DLG2: variants seen among roughly 807,000 people sequenced by gnomAD.
The protein encoded by DLG2 is disks large homolog 2.
Under a neutral mutation model 132.5 loss-of-function variants are expected in DLG2, and 45 were observed. The observed-to-expected ratio is 0.34, with a 90% CI of 0.27 to 0.44. The LOEUF is 0.44. Among genes scored for constraint, DLG2 ranks in the 20% least tolerant of loss-of-function variants. The pLI, the probability that DLG2 is intolerant of heterozygous loss-of-function variation, is 1.00. For synonymous variants in DLG2, 424 were observed against 419.6 expected (o/e 1.01, Z -0.13); for missense variants, 1,045 against 1,196.9 (o/e 0.87, Z 1.87).
chr11:84,871,751 T>C (rs140005618), intron 6 of DLG2, among the ~76,000 whole-genome samples: 2,159 of 151,836 alleles, frequency 0.014, 28 homozygotes, highest in Non-Finnish European at 0.023. Context: ...TGAGACAGAG[T>C]CTCCTCTATC....
chr11:84,170,472 G>A (rs1445402955), intron 8 of DLG2, among the ~76,000 whole-genome samples: 2 of 152,156 alleles, frequency 1.3e-5, no homozygotes, highest in African/African-American at 4.8e-5. Context: ...CAAAGCGATA[G>A]GAGTGCTATG....
At chr11:84,703,889 T>C (rs201804990) in intron 6 of DLG2, among the ~76,000 whole-genome samples, 1 of 66,126 alleles carries the variant, frequency 1.5e-5, no homozygotes, top group African/African-American at 1.3e-4. Flanking sequence ...TATATACACG[T>C]GTGTGTGTGT....
chr11:85,085,171 G>A (rs1462735277), intron 6 of DLG2, among the ~76,000 whole-genome samples: 1 of 152,090 alleles, frequency 6.6e-6, no homozygotes, highest in Admixed American at 6.5e-5. Context: ...TGAGAAATAT[G>A]AGGTAGCATT....
At chr11:84,789,911 G>C (rs1243634441) in intron 6 of DLG2, among the ~76,000 whole-genome samples, 1 of 152,028 alleles carries the variant, frequency 6.6e-6, no homozygotes, top group African/African-American at 2.4e-5. Flanking sequence ...TGAAGTGTCA[G>C]GATCTCATTC....
At chr11:85,397,803 T>C (rs1318640347) in intron 3 of DLG2, among the ~76,000 whole-genome samples, 3 of 151,502 alleles carry the variant, frequency 2.0e-5, no homozygotes, top group Non-Finnish European at 4.4e-5. Context: ...CTACAAAGAG[T>C]CTTAGACTCC....
intron 3 of DLG2, among the ~76,000 whole-genome samples, chr11:85,566,807 T>C (rs962204007): frequency 2.6e-5 from 4 of 152,304 alleles, no homozygotes; most frequent in African/African-American, 7.2e-5. Context: ...GTTTTAGCTC[T>C]TATATTTAGG....
intron 20 of DLG2, among the ~76,000 whole-genome samples, chr11:83,535,901 A>T (rs2095866447): frequency 6.6e-6 from 1 of 152,182 alleles, no homozygotes; most frequent in Non-Finnish European, 1.5e-5. Context: ...AGAAACTGAG[A>T]CTTGAAGCTT....
chr11:83,709,317 A>T (rs1427165780), intron 18 of DLG2, among the ~76,000 whole-genome samples: 1 of 148,148 alleles, frequency 6.8e-6, no homozygotes, highest in East Asian at 1.9e-4. Context: ...ATATATGTAT[A>T]AAGTTATATA....
chr11:84,076,843 T>C (rs1594753941), intron 10 of DLG2, among the ~76,000 whole-genome samples: 1 of 152,220 alleles, frequency 6.6e-6, no homozygotes, highest in Non-Finnish European at 1.5e-5. Context: ...ATATGTTTGC[T>C]AATAATTCCA....
chr11:84,190,464 T>C (rs1178910733), intron 8 of DLG2, among the ~76,000 whole-genome samples: 2 of 152,194 alleles, frequency 1.3e-5, no homozygotes, highest in Non-Finnish European at 2.9e-5. Context: ...TCTAGAATTG[T>C]TAGTGATGAT....
At chr11:84,020,376 C>T (rs1840241249) in intron 11 of DLG2, among the ~76,000 whole-genome samples, 1 of 152,060 alleles carries the variant, frequency 6.6e-6, no homozygotes, top group African/African-American at 2.4e-5. Context: ...AGTATACATT[C>T]ATGTTGTCAC....
intron 6 of DLG2, chr11:84,720,357 A>G (rs2061669453): frequency 1.9e-5 from 19 of 985,484 alleles, no homozygotes; most frequent in Non-Finnish European, 2.2e-5. Context: ...GTGGCAAATC[A>G]TTGGTGTAAA....
intron 4 of DLG2, among the ~76,000 whole-genome samples, chr11:85,249,761 G>A (rs1202977337): frequency 1.3e-5 from 2 of 152,058 alleles, no homozygotes; most frequent in African/African-American, 2.4e-5. Flanking sequence ...ATCAAATCTG[G>A]AGATAGTGGG....
At chr11:84,796,683 T>C (rs180822794) in intron 6 of DLG2, among the ~76,000 whole-genome samples, 1 of 130,068 alleles carries the variant, frequency 7.7e-6, no homozygotes, top group Admixed American at 7.6e-5. Flanking sequence ...TAGGGTAATT[T>C]TTTTCCCCCT....
At chr11:83,776,486 A>C (rs1185193236) in intron 18 of DLG2, among the ~76,000 whole-genome samples, 1 of 152,200 alleles carries the variant, frequency 6.6e-6, no homozygotes, top group Non-Finnish European at 1.5e-5. Context: ...GTCCTACCCC[A>C]GCCTCTTCGG....
At chr11:84,865,682 T>C (rs2084440159) in intron 6 of DLG2, among the ~76,000 whole-genome samples, 1 of 152,242 alleles carries the variant, frequency 6.6e-6, no homozygotes, top group South Asian at 2.1e-4. Flanking sequence ...ACACAACAAA[T>C]AGCATAGACA....
chr11:85,322,473 T>C (rs1469134848), intron 3 of DLG2, among the ~76,000 whole-genome samples: 1 of 152,130 alleles, frequency 6.6e-6, no homozygotes, highest in Non-Finnish European at 1.5e-5. Flanking sequence ...TTATTATAAA[T>C]TAGTGATTAT....
intron 8 of DLG2, among the ~76,000 whole-genome samples, chr11:84,201,155 AGG>A (rs2096587184): frequency 6.6e-6 from 1 of 152,158 alleles, no homozygotes; most frequent in Non-Finnish European, 1.5e-5. Flanking sequence ...TTTAACATGT[AGG>A]GATGTTGAAT....
chr11:85,275,065 C>A (rs1278689432), intron 4 of DLG2, among the ~76,000 whole-genome samples: 1 of 152,144 alleles, frequency 6.6e-6, no homozygotes, highest in African/African-American at 2.4e-5. Flanking sequence ...AAAATTTTAT[C>A]AAATAAATTT....
Sources: allele counts gnomAD v4.1 joint callset (sites outside exome capture counted in the v4.1 genomes callset), GRCh38; gene constraint gnomAD v4.1.1; transcripts MANE v1.5; gene names NCBI Gene and HGNC (gene_info 2026-07-23, HGNC 2026-07-21).